The following PRDM16 variants were observed in gnomAD, a reference collection of about 807,000 sequenced individuals.
PRDM16 encodes histone-lysine N-methyltransferase PRDM16.
PRDM16 carries 23 observed loss-of-function variants against 110.6 expected under a neutral mutation model. The ratio of observed to expected loss-of-function variants is 0.21; its 90% CI spans 0.15 to 0.29. The LOEUF is 0.29. Ranked by LOEUF, PRDM16 falls within the 10% of genes least tolerant of loss-of-function variation. The pLI is 1.00. For missense variants in PRDM16, 1,615 were observed against 1,794.3 expected (o/e 0.90, Z 1.81); for synonymous variants, 799 against 781.8 (o/e 1.02, Z -0.37).
chr1:3,141,588 G>A (rs967305957), intron 1 of PRDM16, among the ~76,000 whole-genome samples: 47 of 152,324 alleles, frequency 3.1e-4, no homozygotes, highest in South Asian at 6.2e-4. Context: ...CTTCTGGGCC[G>A]CCCCACCTGC....
At chr1:3,296,603 G>A (rs1339114603) in intron 3 of PRDM16, among the ~76,000 whole-genome samples, 4 of 152,254 alleles carry the variant, frequency 2.6e-5, no homozygotes, top group African/African-American at 9.6e-5. Flanking sequence ...CAAAGCCAGG[G>A]GAGGCCGTGG....
chr1:3,107,816 G>T (rs549635953), intron 1 of PRDM16, among the ~76,000 whole-genome samples: 1 of 152,360 alleles, frequency 6.6e-6, no homozygotes, highest in East Asian at 1.9e-4. Context: ...CTCTCTCCCT[G>T]CCCTGGGCCT....
At chr1:3,409,702 T>C (rs1643637135) in intron 8 of PRDM16, among the ~76,000 whole-genome samples, 1 of 149,614 alleles carries the variant, frequency 6.7e-6, no homozygotes. Flanking sequence ...GTGGTGTATG[T>C]GCATGTGTGT....
At chr1:3,086,247 T>C (rs1642148543) in intron 1 of PRDM16, among the ~76,000 whole-genome samples, 1 of 152,118 alleles carries the variant, frequency 6.6e-6, no homozygotes, top group Admixed American at 6.5e-5. Context: ...TGCCTGGCTG[T>C]GACAGCCAGG....
chr1:3,297,943 C>T (rs1179341749), intron 3 of PRDM16, among the ~76,000 whole-genome samples: 1 of 151,328 alleles, frequency 6.6e-6, no homozygotes, highest in Non-Finnish European at 1.5e-5. Context: ...GACTGCATGG[C>T]AAGCTCCGCA....
At chr1:3,424,253 C>T (rs957399634) in intron 12 of PRDM16, among the ~76,000 whole-genome samples, 9 of 152,238 alleles carry the variant, frequency 5.9e-5, no homozygotes, top group African/African-American at 1.9e-4. Flanking sequence ...ATGCACATGT[C>T]GCTCAGGCCC....
chr1:3,328,096 G>A (rs911423964), intron 3 of PRDM16, among the ~76,000 whole-genome samples: 15 of 152,322 alleles, frequency 9.8e-5, no homozygotes, highest in African/African-American at 3.6e-4. Flanking sequence ...TGTGCTAGGC[G>A]TTGGGGTCCC....
At chr1:3,289,443 G>A (rs1283190560) in intron 3 of PRDM16, among the ~76,000 whole-genome samples, 1 of 152,240 alleles carries the variant, frequency 6.6e-6, no homozygotes, top group Non-Finnish European at 1.5e-5. Context: ...GTTCCCACCT[G>A]CAGCTTCCCC....
At chr1:3,083,783 C>T (rs1443125112) in intron 1 of PRDM16, among the ~76,000 whole-genome samples, 3 of 152,298 alleles carry the variant, frequency 2.0e-5, no homozygotes, top group African/African-American at 2.4e-5. Flanking sequence ...CCTGACCTTC[C>T]GACTGCTGGG....
intron 3 of PRDM16, among the ~76,000 whole-genome samples, chr1:3,279,494 C>A (rs1640664610): frequency 6.6e-6 from 1 of 152,238 alleles, no homozygotes; most frequent in South Asian, 2.1e-4. Context: ...GCACGCCTGC[C>A]CCTGCCACCA....
chr1:3,163,633 G>A (rs1325062472), intron 1 of PRDM16, among the ~76,000 whole-genome samples: 5 of 152,186 alleles, frequency 3.3e-5, no homozygotes, highest in Non-Finnish European at 5.9e-5. Flanking sequence ...AGCTGTGGGC[G>A]GGGCGGTCCT....
At chr1:3,432,287 C>G in intron 16 of PRDM16, 147 bp downstream of exon 16, 1 of 619,678 alleles carries the variant, frequency 1.6e-6, no homozygotes, top group Admixed American at 2.9e-5. Flanking sequence ...CAGAGAGGCC[C>G]CAGCGACCAC....
chr1:3,323,650 G>C (rs1641815211), intron 3 of PRDM16, among the ~76,000 whole-genome samples: 1 of 152,250 alleles, frequency 6.6e-6, no homozygotes, highest in African/African-American at 2.4e-5. Flanking sequence ...GTCATAAAAA[G>C]CACCGACAAA....
At position 3,412,419 on chromosome 1, in the gene PRDM16, C is replaced by A; in HGVS notation, c.2222C>A (p.Thr741Lys). The change falls in exon 9 of 17, where the codon ACG becomes AAG. Residue 741 changes from threonine to lysine, a missense_variant. Around this residue, in one of 5 missense-constraint regions of PRDM16, gnomAD observed 772 missense variants for 748.3 expected, o/e 1.03. Coordinates refer to ENST00000270722, the MANE Select transcript of PRDM16 (RefSeq NM_022114.4). Reference sequence around the variant, plus strand: ...TTCCCCCACTCCCTTTACCCCTTCACGGACCGAGCCCTCGCCCACAACTTG... The same window carrying A: ...TTCCCCCACTCCCTTTACCCCTTCAAGGACCGAGCCCTCGCCCACAACTTG... ...PNFPHSLYPF[T>K]DRALAHNLLV... 5 of 1,612,302 alleles carry A rather than the reference C, an allele frequency of 3.1e-6. No homozygotes were observed. Among genetic ancestry groups the A allele is most frequent in the Non-Finnish European group, 4.2e-6 (5 of 1,179,336 alleles).
intron 3 of PRDM16, among the ~76,000 whole-genome samples, chr1:3,345,950 C>T (rs1185659535): frequency 2.6e-5 from 4 of 152,342 alleles, no homozygotes; most frequent in African/African-American, 7.2e-5. Flanking sequence ...AAAGAGGCCA[C>T]GTGGCTGTGG....
At chr1:3,114,447 A>G (rs925833918) in intron 1 of PRDM16, among the ~76,000 whole-genome samples, 21 of 135,812 alleles carry the variant, frequency 1.5e-4, no homozygotes, top group African/African-American at 4.4e-4. Flanking sequence ...ACAGACGCAC[A>G]CGCACACACA....
chr1:3,366,464 C>T (rs886500991), intron 3 of PRDM16, among the ~76,000 whole-genome samples: 3 of 152,224 alleles, frequency 2.0e-5, no homozygotes, highest in Non-Finnish European at 4.4e-5. Context: ...CAGGCTGTGC[C>T]GACCAGGGCT....
At chr1:3,181,066 ACACACC>A (rs1369415932) in intron 1 of PRDM16, among the ~76,000 whole-genome samples, 4 of 145,628 alleles carry the variant, frequency 2.7e-5, no homozygotes, top group Non-Finnish European at 4.5e-5. Context: ...ACGCGGTCTT[ACACACC>A]CGGTCTTACA....
chr1:3,431,874 T>C lies in PRDM16; in HGVS notation c.3522-92T>C, dbSNP rs915543632. 59 of 1,345,488 alleles carry C rather than the reference T, an allele frequency of 4.4e-5. No individual in the cohort carries two copies. The African/African-American group carries it at 7.1e-4, about 16-fold the overall frequency. The allele number at this position is 1,345,488 out of a possible 1,614,324, so 83.3% of individuals were successfully genotyped here. On this transcript the variant is annotated intron_variant, in intron 15 of 16. Coordinates refer to ENST00000270722, the MANE Select transcript of PRDM16 (RefSeq NM_022114.4). ...GCTGGCAGAGATGCAGCGGCGTGCA[T>C]GCAGGCCCGGAGCTGGGCTTGCAGC...
Sources: gnomAD v4.1 joint callset for allele counts (sites outside exome capture counted in the v4.1 genomes callset) on GRCh38, gnomAD v4.1.1 for gene constraint, gnomAD v4.1.1 regional missense constraint, MANE v1.5 for transcripts, NCBI Gene and HGNC (gene_info 2026-07-23, HGNC 2026-07-21) for gene names.